Variants in RCC1 observed in about 807,000 individuals in gnomAD.
RCC1 encodes regulator of chromosome condensation 1, also known as regulator of chromosome condensation.
RCC1 carries 11 observed loss-of-function variants against 44.4 expected under a neutral mutation model. The ratio of observed to expected loss-of-function variants is 0.25; its 90% CI spans 0.16 to 0.41. The LOEUF (loss-of-function observed/expected upper bound fraction) is 0.41, where lower values mean the gene tolerates loss of function less well. RCC1 is among the 10% of genes least tolerant of loss of function. The probability of loss-of-function intolerance (pLI) is 1.00; values close to 1 mark genes in which losing one functional copy is unlikely to be tolerated. For synonymous variants in RCC1, 213 were observed against 216.5 expected, an observed-to-expected ratio of 0.98 and a Z score of 0.14; for missense variants, 386 against 547.1, an observed-to-expected ratio of 0.71 and a Z score of 2.94.
At position 28,537,981 on chromosome 1, in the gene RCC1, T is replaced by C. The variant is rs754849101; in HGVS notation, c.1240T>C (p.Leu414=). 5.8e-5 allele frequency: 93 copies of C among 1,613,714 alleles called. No individual in the cohort carries two copies. Among genetic ancestry groups the C allele is most frequent in the East Asian group, 4.7e-4 (21 of 44,890 alleles). ...VSSGGQHTVL[L]VKDKEQS The stretch of plus-strand genomic sequence containing the variant: ...CAGCGGGGGCCAGCATACAGTCTTA[T>C]TAGTCAAGGACAAAGAACAGAGCTG... The change falls in exon 13 of 13, where the codon TTA becomes CTA. Residue 414 remains leucine, a synonymous_variant. Transcript: ENST00000683442.
chr1:28,517,491 A>C (rs890839964), intron 4 of RCC1, among the ~76,000 whole-genome samples: 5 of 152,200 alleles, frequency 3.3e-5, no homozygotes. Flanking sequence ...CTTGTAGCTC[A>C]TAAGAAGATG....
intron 4 of RCC1, among the ~76,000 whole-genome samples, chr1:28,524,226 A>G (rs575242865): frequency 6.6e-5 from 10 of 152,294 alleles, no homozygotes; most frequent in Admixed American, 3.3e-4. Context: ...ACCTAGCAAC[A>G]TGGAGCTTCA....
chr1:28,515,391 T>A (rs906471713), intron 3 of RCC1, among the ~76,000 whole-genome samples: 1 of 151,738 alleles, frequency 6.6e-6, no homozygotes, highest in African/African-American at 2.4e-5. Context: ...GCCACTGCAC[T>A]CCAGCCTGGA....
At chr1:28,521,501 G>GAA (rs71586849) in intron 4 of RCC1, among the ~76,000 whole-genome samples, 21 of 56,788 alleles carry the variant, frequency 3.7e-4, no homozygotes, top group South Asian at 1.5e-3. Flanking sequence ...CTCCACCTCA[G>GAA]AAAAAAAAAA....
intron 4 of RCC1, among the ~76,000 whole-genome samples, chr1:28,517,845 C>T (rs944777404): frequency 6.6e-6 from 1 of 152,146 alleles, no homozygotes; most frequent in African/African-American, 2.4e-5. Flanking sequence ...TCTTAAGCCC[C>T]GGACTGAGTC....
chr1:28,536,269 G>T lies in RCC1; in HGVS notation c.825G>T (p.Pro275=). ...CTCCGGCCTTTCCCCCAGGAACTCCGGGCACAGAATCTTGCTTCATACCCC... is the reference window on the plus strand; with the variant it reads ...CTCCGGCCTTTCCCCCAGGAACTCCTGGCACAGAATCTTGCTTCATACCCC... The part of the protein sequence containing the change: ...GLSNYHQLGT[P]GTESCFIPQN... The change falls in exon 11 of 13, where the codon CCG becomes CCT. Residue 275 remains proline, a synonymous_variant. Transcript: ENST00000683442. This position sits in a 1 kb window ranked among gnomAD's most constrained non-coding sequence, Gnocchi z 4.9. The T allele has an allele frequency of 1.2e-6, 2 of 1,613,906 alleles. No homozygotes were observed. Among genetic ancestry groups the T allele is most frequent in the South Asian group, 2.2e-5 (2 of 91,042 alleles).
At chr1:28,533,068 C>A (rs1460961934) in intron 7 of RCC1, among the ~76,000 whole-genome samples, 1 of 152,130 alleles carries the variant, frequency 6.6e-6, no homozygotes, top group Non-Finnish European at 1.5e-5. Context: ...CCCGCCTCAG[C>A]CTCCCAAAGT....
chr1:28,536,478 T>G lies in RCC1; in HGVS notation c.937+97T>G. 6.9e-7 allele frequency: 1 copy of G among 1,458,926 alleles called. No homozygotes were observed. The highest frequency in any genetic ancestry group is 9.3e-7 in the Non-Finnish European group (1 of 1,079,478). The allele number at this position is 1,458,926 out of a possible 1,614,324, so 90.4% of individuals were successfully genotyped here. On this transcript the variant is annotated intron_variant, in intron 11 of 12. Transcript: ENST00000683442. The surrounding 1 kb of genome is among the most constrained non-coding windows in gnomAD (Gnocchi z 4.9). ...GACCATGGTCCTTGGAGCCTGGGTC[T>G]GTTCCATGGGTTGTACCATACATGG...
At chr1:28,520,271 TGTG>T (rs753623111) in intron 4 of RCC1, among the ~76,000 whole-genome samples, 2 of 152,118 alleles carry the variant, frequency 1.3e-5, no homozygotes, top group Non-Finnish European at 2.9e-5. Context: ...TTCCTCCTGG[TGTG>T]GGGGACGGAG....
chr1:28,529,878 G>A lies in RCC1; in HGVS notation c.12G>A (p.Lys4=). MSP[K]RIAKRRSPPA... is the part of the protein sequence containing the mutation. ...TTCAGGACAGGAAGATGTCACCCAA[G>A]CGCATAGCTAAAAGAAGGTCCCCCC... Residue 4 remains lysine, a synonymous_variant, in exon 5 of 13, where the codon AAG becomes AAA. Transcript: ENST00000683442. 2 of 1,614,030 alleles carry A rather than the reference G, an allele frequency of 1.2e-6. No homozygotes were observed. The highest frequency in any genetic ancestry group is 1.7e-6 in the Non-Finnish European group (2 of 1,179,954).
At chr1:28,537,489 AT>A (rs751825002) in intron 12 of RCC1, among the ~76,000 whole-genome samples, 4 of 152,172 alleles carry the variant, frequency 2.6e-5, no homozygotes, top group Non-Finnish European at 4.4e-5. Context: ...TGAAGGTTCC[AT>A]TCCTTGTGAA....
At chr1:28,525,583 A>G (rs1290163192) in intron 4 of RCC1, among the ~76,000 whole-genome samples, 2 of 152,178 alleles carry the variant, frequency 1.3e-5, no homozygotes, top group African/African-American at 4.8e-5. Flanking sequence ...AGTGTGGGAC[A>G]AGGGGTCTCA....
At chr1:28,528,262 C>T (rs1357833022) in intron 4 of RCC1, among the ~76,000 whole-genome samples, 1 of 152,096 alleles carries the variant, frequency 6.6e-6, no homozygotes, top group East Asian at 1.9e-4. Flanking sequence ...TCGAGACCAG[C>T]CTGGCCAAAC....
chr1:28,537,750 G>T, intron 12 of RCC1, 82 bp from the exon 13 acceptor site: 1 of 1,420,816 alleles, frequency 7.0e-7, no homozygotes. Flanking sequence ...CACAGTCCAC[G>T]CCCATGTCCC....
chr1:28,516,256 G>A (rs1662888891), intron 3 of RCC1, among the ~76,000 whole-genome samples: 1 of 152,176 alleles, frequency 6.6e-6, no homozygotes, highest in Non-Finnish European at 1.5e-5. Context: ...GCTCACGCCT[G>A]TAAGCCCAGC....
intron 4 of RCC1, among the ~76,000 whole-genome samples, chr1:28,517,276 CTGTT>C (rs919754769): frequency 2.6e-5 from 4 of 152,098 alleles, no homozygotes; most frequent in Admixed American, 1.3e-4. Context: ...TCCTGAAGAA[CTGTT>C]TGTATCCATC....
intron 7 of RCC1, among the ~76,000 whole-genome samples, chr1:28,533,999 T>C (rs2124664634): frequency 6.7e-6 from 1 of 149,224 alleles, no homozygotes; most frequent in East Asian, 2.1e-4. Flanking sequence ...TTCCTCAGCC[T>C]CCCGAGTAGC....
At chr1:28,512,141 T>G (rs538164188) in intron 3 of RCC1, among the ~76,000 whole-genome samples, 4 of 151,342 alleles carry the variant, frequency 2.6e-5, no homozygotes, top group Non-Finnish European at 5.9e-5. Flanking sequence ...ACCCGGCTAA[T>G]TTTTGTGTTT....
At position 28,538,055 on chromosome 1, in the gene RCC1, G is replaced by C; in HGVS notation, c.*48G>C. On this transcript the variant is annotated 3_prime_UTR_variant, in exon 13 of 13. Coordinates refer to ENST00000683442, the MANE Select transcript of RCC1 (RefSeq NM_001381865.2). ...TCTGTCCTGCACAACCTCCCTCACA[G>C]AACAGGGAAGCAGTGACAGCTGCAG... is the stretch of plus-strand genomic sequence containing the variant. 1.3e-6 allele frequency: 2 copies of C among 1,563,878 alleles called. No homozygotes were observed. The highest frequency in any genetic ancestry group is 1.7e-6 in the Non-Finnish European group (2 of 1,149,802).
Sources: allele counts gnomAD v4.1 joint callset (sites outside exome capture counted in the v4.1 genomes callset), GRCh38; gene constraint gnomAD v4.1.1; non-coding constraint Gnocchi (gnomAD v3.1); transcripts MANE v1.5; gene names NCBI Gene and HGNC (gene_info 2026-07-23, HGNC 2026-07-21).